Variants in PHPT1 observed in about 807,000 individuals in gnomAD.
PHPT1 encodes the protein 14 kDa phosphohistidine phosphatase.
In PHPT1, 16 loss-of-function variants were observed where a neutral mutation model predicts 15.6. That is an observed-to-expected ratio of 1.03 (90% CI 0.70 to 1.56). The LOEUF (loss-of-function observed/expected upper bound fraction) is 1.56, where lower values mean the gene tolerates loss of function less well. Among genes scored for constraint, PHPT1 ranks in the 40% most tolerant of loss-of-function variants. The pLI is 0.00. For missense variants in PHPT1, 228 were observed against 171.0 expected, an observed-to-expected ratio of 1.33 and a Z score of -1.86; for synonymous variants, 102 against 68.1, an observed-to-expected ratio of 1.50 and a Z score of -2.45.
chr9:136,850,542 C>T (rs1307311743), intron 2 of PHPT1: 4 of 1,611,978 alleles, frequency 2.5e-6, no homozygotes, highest in Non-Finnish European at 3.4e-6. Context: ...CGCCTCAGGC[C>T]CCAGGATCCA....
intron 2 of PHPT1, 200 bp downstream of exon 2, chr9:136,850,337 TG>T (rs1848879879): frequency 1.2e-6 from 1 of 838,642 alleles, no homozygotes; most frequent in Admixed American, 2.3e-5. Flanking sequence ...ACCTGAGGGG[TG>T]GGACGGACAC....
intron 2 of PHPT1, chr9:136,850,526 T>G: frequency 6.2e-7 from 1 of 1,612,028 alleles, no homozygotes; most frequent in East Asian, 2.2e-5. Flanking sequence ...CGTGCGTCCC[T>G]CTGGGCGCCT....
At position 136,849,421 on chromosome 9, in the gene PHPT1, G is replaced by A; in HGVS notation, c.-10G>A. ...GTCGGGTGGGAGGAGGGGACTCCGG[G>A]AGGAGGAACATGGCGGTGGCGGACC... On this transcript the variant is annotated 5_prime_UTR_variant, in exon 1 of 3. Coordinates refer to ENST00000247665, the MANE Select transcript of PHPT1 (RefSeq NM_014172.6). 2 of 1,589,434 alleles carry A rather than the reference G, an allele frequency of 1.3e-6. No homozygotes were observed. The highest frequency in any genetic ancestry group is 2.4e-5 in the East Asian group (1 of 42,450).
At chr9:136,850,532 C>T (rs35489193) in intron 2 of PHPT1, 141 of 1,611,810 alleles carry the variant, frequency 8.7e-5, no homozygotes, top group Non-Finnish European at 1.1e-4. Context: ...TCCCTCTGGG[C>T]GCCTCAGGCC....
At position 136,850,062 on chromosome 9, in the gene PHPT1, C is replaced by G. The variant is rs1055120630; in HGVS notation, c.210C>G (p.Asp70Glu). 13 of 1,613,100 alleles carry G rather than the reference C, an allele frequency of 8.1e-6. No homozygotes were observed. The highest frequency in any genetic ancestry group is 1.3e-5 in the African/African-American group (1 of 74,938). ...VSGDMQKQGC[D>E]CECLGGGRIS... ...GCGACATGCAGAAGCAAGGCTGCGA[C>G]TGTGAGTGTCTGGGCGGCGGGCGCA... The change falls in exon 2 of 3, where the codon GAC (aspartate) becomes GAG (glutamate). Residue 70 changes from aspartate (D) to glutamate (E), a missense_variant. Transcript: ENST00000247665.
intron 2 of PHPT1, 125 bp downstream of exon 2, chr9:136,850,262 C>G (rs1186743474): frequency 1.5e-6 from 2 of 1,299,096 alleles, no homozygotes; most frequent in African/African-American, 1.5e-5. Flanking sequence ...CTCCCAGGGT[C>G]GGCGGCAGAG....
chr9:136,849,435 C>T lies in PHPT1; in HGVS notation c.5C>T (p.Ala2Val), dbSNP rs765132105. 48 of 1,594,368 alleles carry T rather than the reference C, an allele frequency of 3.0e-5. No individual in the cohort carries two copies. Among genetic ancestry groups the T allele is most frequent in the South Asian group, 2.9e-4 (26 of 89,028 alleles). Residue 2 changes from alanine (A) to valine (V), a missense_variant, in exon 1 of 3, where the codon GCG becomes GTG. Ala to Val is a moderately conservative substitution (Grantham distance 64). Transcript: ENST00000247665. The stretch of plus-strand genomic sequence containing the variant: ...GGGGACTCCGGGAGGAGGAACATGG[C>T]GGTGGCGGACCTCGCTCTCATTCCT... M[A>V]VADLALIPDV... is the part of the protein sequence containing the mutation.
In PHPT1 at chr9:136,849,547, G is replaced by C. The variant is rs149603224; in HGVS notation, c.117G>C (p.Glu39Asp). 6.7e-3 allele frequency: 10,738 copies of C among 1,609,496 alleles called. 58 individuals carry two copies. Among genetic ancestry groups the C allele is most frequent in the Non-Finnish European group, 7.3e-3 (8,635 of 1,179,016 alleles). ...CCCGCTCCGGGGCTCCGGCTGCAGAGAGCAAGGAGATCGTGCGCGGCTACA... is the reference window on the plus strand; with the variant it reads ...CCCGCTCCGGGGCTCCGGCTGCAGACAGCAAGGAGATCGTGCGCGGCTACA... ...SAPRSGAPAAESKEIVRGYKW... is the reference protein window; with the variant it reads ...SAPRSGAPAADSKEIVRGYKW... The change falls in exon 1 of 3, where the codon GAG becomes GAC. Residue 39 changes from glutamate (E) to aspartate (D), a missense_variant. By Grantham distance (45) the Glu-to-Asp change is conservative. Transcript: ENST00000247665.
chr9:136,850,169 G>C (rs367949224), intron 2 of PHPT1, 32 bp downstream of exon 2: 1 of 1,612,532 alleles, frequency 6.2e-7, no homozygotes, highest in African/African-American at 1.3e-5. Flanking sequence ...CCCTGCCGGA[G>C]GCCCCAGTAC....
Position 136,850,941 on chromosome 9 carries a change from C to T in PHPT1, c.*94C>T. 2 of 929,576 alleles carry T rather than the reference C, an allele frequency of 2.2e-6. No homozygotes were observed. Among genetic ancestry groups the T allele is most frequent in the Non-Finnish European group, 3.6e-6 (2 of 559,856 alleles). The allele number at this position is 929,576 out of a possible 1,614,324, so 57.6% of individuals were successfully genotyped here. Reference sequence around the variant, plus strand: ...CTTGCAGGGCTGGCCCTGCCTGCTCCTGCGGCAGCCTCTGGTGACGTGCTG... The same window carrying T: ...CTTGCAGGGCTGGCCCTGCCTGCTCTTGCGGCAGCCTCTGGTGACGTGCTG... On this transcript the variant is annotated 3_prime_UTR_variant, in exon 3 of 3. Transcript: ENST00000247665.
chr9:136,850,935 C>A lies in PHPT1; in HGVS notation c.*88C>A. 1.0e-6 allele frequency: 1 copy of A among 1,001,552 alleles called. No individual in the cohort carries two copies. The highest frequency in any genetic ancestry group is 1.6e-6 in the Non-Finnish European group (1 of 624,722). The allele number at this position is 1,001,552 out of a possible 1,614,324, so 62.0% of individuals were successfully genotyped here. On this transcript the variant is annotated 3_prime_UTR_variant, in exon 3 of 3. Coordinates refer to ENST00000247665, the MANE Select transcript of PHPT1 (RefSeq NM_014172.6). ...ACTCCTCTTGCAGGGCTGGCCCTGC[C>A]TGCTCCTGCGGCAGCCTCTGGTGAC... is the stretch of plus-strand genomic sequence containing the variant.
At chr9:136,850,590 C>T in intron 2 of PHPT1, 165 bp from the exon 3 acceptor site, 1 of 1,602,952 alleles carries the variant, frequency 6.2e-7, no homozygotes, top group Non-Finnish European at 8.5e-7. Flanking sequence ...TCGCCTCTCC[C>T]CAGGGGAGCC....
In PHPT1 at chr9:136,849,582, A is replaced by C. The variant is rs1468861655; in HGVS notation, c.152A>C (p.Glu51Ala). 1 of 1,539,460 alleles carries C rather than the reference A, an allele frequency of 6.5e-7. No individual in the cohort carries two copies. The highest frequency in any genetic ancestry group is 8.8e-7 in the Non-Finnish European group (1 of 1,138,566). The change falls in exon 1 of 3, where the codon GAG becomes GCG. Residue 51 changes from glutamate to alanine, a missense_variant. Physicochemically the swap from Glu to Ala is moderately radical, Grantham distance 107. Coordinates refer to ENST00000247665, the MANE Select transcript of PHPT1 (RefSeq NM_014172.6). ...KEIVRGYKWA[E>A]YHADIYDKVS... ...ATCGTGCGCGGCTACAAGTGGGCTG[A>C]GTACCATGGTGAGGGCGGGACCTGC...
At chr9:136,850,307 C>A in intron 2 of PHPT1, 170 bp downstream of exon 2, 1 of 902,696 alleles carries the variant, frequency 1.1e-6, no homozygotes, top group Non-Finnish European at 1.7e-6. Context: ...TCCTGCATTC[C>A]CCCATGGAGC....
In PHPT1 at chr9:136,850,891, A is replaced by G. The variant is rs368123902; in HGVS notation, c.*44A>G. On this transcript the variant is annotated 3_prime_UTR_variant, in exon 3 of 3. Coordinates refer to ENST00000247665, the MANE Select transcript of PHPT1 (RefSeq NM_014172.6). ...CTGCTGCCTCCAGCAGCCACTTCAG[A>G]GCCCCCGCCTTTGCCTGCACTCCTC... 53 of 1,445,358 alleles carry G rather than the reference A, an allele frequency of 3.7e-5. No homozygotes were observed. The African/African-American group carries it at 6.9e-4, about 19-fold the overall frequency. 89.5% of individuals were successfully genotyped at this position (1,445,358 alleles called of 1,614,324 possible).
intron 2 of PHPT1, 152 bp downstream of exon 2, chr9:136,850,289 C>T: frequency 1.0e-6 from 1 of 998,742 alleles, no homozygotes; most frequent in Non-Finnish European, 1.5e-6. Flanking sequence ...CTCCAGGGCC[C>T]ATTGTGTTCC....
rs777828998 is a variant in PHPT1 at position 136,850,098 on chromosome 9, G to A, written c.246G>A (p.Gln82=). 6.2e-7 allele frequency: 1 copy of A among 1,612,718 alleles called. No individual in the cohort carries two copies. The highest frequency in any genetic ancestry group is 8.5e-7 in the Non-Finnish European group (1 of 1,179,642). The change falls in exon 2 of 3, where the codon CAG becomes CAA. Residue 82 remains glutamine, a synonymous_variant. Coordinates refer to ENST00000247665, the MANE Select transcript of PHPT1 (RefSeq NM_014172.6). ...ECLGGGRISH[Q]SQDKKIHVYG... is the part of the protein sequence containing the mutation. ...TGGGCGGCGGGCGCATCTCCCACCA[G>A]AGTCAGGACAAGAAGATTCACGTGT...
At chr9:136,850,522 T>TC in intron 2 of PHPT1, 1 of 1,612,006 alleles carries the variant, frequency 6.2e-7, no homozygotes, top group African/African-American at 1.3e-5. Context: ...CCCACGTGCG[T>TC]CCCTCTGGGC....
In PHPT1 at chr9:136,849,657, G is replaced by A. The variant is rs138320972; in HGVS notation, c.160+67G>A. Reference sequence around the variant, plus strand: ...GAGGCGGGGGCGGGGCTGGCGGGACGGAGACGGGGCTGACGAGGCAGGGGC... The same window carrying A: ...GAGGCGGGGGCGGGGCTGGCGGGACAGAGACGGGGCTGACGAGGCAGGGGC... On this transcript the variant is annotated intron_variant, in intron 1 of 2. Coordinates refer to ENST00000247665, the MANE Select transcript of PHPT1 (RefSeq NM_014172.6). The A allele has an allele frequency of 2.2e-3, 2,628 of 1,185,390 alleles. 54 individuals are homozygous for A. The African/African-American group carries it at 0.038, about 17-fold the overall frequency. 73.4% of individuals were successfully genotyped at this position (1,185,390 alleles called of 1,614,324 possible).
Sources: allele counts gnomAD v4.1 joint callset, GRCh38; gene constraint gnomAD v4.1.1; transcripts MANE v1.5; gene names NCBI Gene and HGNC (gene_info 2026-07-23, HGNC 2026-07-21).